Variants in ZNF726 observed in about 807,000 individuals in gnomAD.
ZNF726 encodes zinc finger protein 726, also known as zinc finger protein 92 pseudogene 3.
Under a neutral mutation model 11.6 loss-of-function variants are expected in ZNF726, and 15 were observed. The ratio of observed to expected loss-of-function variants is 1.29; its 90% CI spans 0.86 to 1.99. ZNF726 has a LOEUF of 1.99. ZNF726 is among the 30% of genes most tolerant of loss of function. The probability of loss-of-function intolerance (pLI) is 0.00; values close to 1 mark genes in which losing one functional copy is unlikely to be tolerated. For missense variants in ZNF726, 890 were observed against 725.6 expected, an observed-to-expected ratio of 1.23 and a Z score of -2.60; for synonymous variants, 295 against 243.6, an observed-to-expected ratio of 1.21 and a Z score of -1.96.
rs753191825 is a variant in ZNF726 at position 23,932,374 on chromosome 19, G to T, written c.258G>T (p.Trp86Cys). 8.2e-6 allele frequency: 12 copies of T among 1,459,578 alleles called. No homozygotes were observed. Among genetic ancestry groups the T allele is most frequent in the African/African-American group, 7.2e-5 (5 of 69,474 alleles). The allele number at this position is 1,459,578 out of a possible 1,614,324, so 90.4% of individuals were successfully genotyped here. A position where few individuals can be genotyped will look rare whatever the true frequency, so the allele number is the denominator to read the frequency against. The change falls in exon 4 of 4, where the codon TGG becomes TGT. Residue 86 changes from tryptophan to cysteine, a missense_variant. Transcript: ENST00000594466. ...GICPHFAQDI[W>C]PEQGVEDSFQ... ...GTCCTCATTTTGCTCAAGACATTTG[G>T]CCAGAGCAGGGCGTGGAAGATTCTT...
downstream of ZNF726, among the ~76,000 whole-genome samples, chr19:23,934,935 G>T (rs1315289239): frequency 1.3e-5 from 2 of 152,198 alleles, no homozygotes; most frequent in Non-Finnish European, 1.5e-5. Context: ...AGGGGCATTT[G>T]CTTTATAAAG....
chr19:23,937,113 C>G (rs1260314604), downstream of ZNF726, among the ~76,000 whole-genome samples: 1 of 149,928 alleles, frequency 6.7e-6, no homozygotes, highest in Non-Finnish European at 1.5e-5. Context: ...CCCTCCCGGC[C>G]GGGGCGGCTG....
At chr19:23,942,429 G>A (rs891119567) in intron 3 of ZNF726, among the ~76,000 whole-genome samples, 2 of 152,116 alleles carry the variant, frequency 1.3e-5, no homozygotes, top group African/African-American at 4.8e-5. Flanking sequence ...TAGAATTTGT[G>A]TTCTGCGGTT....
chr19:23,931,826 C>T (rs182776663), intron 3 of ZNF726, among the ~76,000 whole-genome samples: 2 of 152,184 alleles, frequency 1.3e-5, no homozygotes, highest in Admixed American at 6.5e-5. Context: ...CTGGCGGCTG[C>T]TGGAACATTT....
At chr19:23,937,293 C>A (rs1023677162), downstream of ZNF726, among the ~76,000 whole-genome samples, 1 of 151,866 alleles carries the variant, frequency 6.6e-6, no homozygotes, top group Admixed American at 6.6e-5. Context: ...CTGACCCCCC[C>A]ACCTCCCTTC....
rs1384682380 is a variant in ZNF726 at position 23,932,530 on chromosome 19, A to T, written c.414A>T (p.Thr138=). ...EGYNGLNQCF[T]TTQGKASQCG... ...ATAATGGACTTAACCAGTGTTTCAC[A>T]ACTACCCAGGGCAAAGCTTCTCAAT... The change falls in exon 4 of 4, where the codon ACA becomes ACT. Residue 138 remains threonine, a synonymous_variant. Transcript: ENST00000594466. 6.3e-7 allele frequency: 1 copy of T among 1,585,768 alleles called. No homozygotes were observed. The highest frequency in any genetic ancestry group is 1.4e-5 in the African/African-American group (1 of 73,480).
chr19:23,930,104 A>AT (rs1040782298), intron 3 of ZNF726, among the ~76,000 whole-genome samples: 27 of 151,906 alleles, frequency 1.8e-4, no homozygotes, highest in Admixed American at 6.6e-4. Flanking sequence ...ACCATGTACC[A>AT]TTTTTTTTGG....
Position 23,933,890 on chromosome 19 carries a change from C to A in ZNF726, c.1774C>A (p.Pro592Thr), listed in dbSNP as rs746984654. 6 of 1,590,356 alleles carry A rather than the reference C, an allele frequency of 3.8e-6. No individual in the cohort carries two copies. In the South Asian group the frequency reaches 6.8e-5, roughly 18 times the overall value. ...THKIIHTGEK[P>T]YKCDECGKSF... is the part of the protein sequence containing the mutation. ...TAAGATAATTCATACTGGAGAGAAA[C>A]CTTACAAGTGTGACGAATGTGGCAA... The change falls in exon 4 of 4, where the codon CCT (proline) becomes ACT (threonine). Residue 592 changes from proline to threonine, a missense_variant. Coordinates refer to ENST00000594466, the MANE Select transcript of ZNF726 (RefSeq NM_001244038.2).
intron 1 of ZNF726, among the ~76,000 whole-genome samples, chr19:23,916,374 A>G (rs887621108): frequency 2.8e-4 from 43 of 151,738 alleles, no homozygotes; most frequent in Non-Finnish European, 5.3e-4. Context: ...GTTGCAGTGC[A>G]GTGGCTGGAG....
downstream of ZNF726, among the ~76,000 whole-genome samples, chr19:23,936,355 T>C (rs998352356): frequency 6.6e-6 from 1 of 152,144 alleles, no homozygotes; most frequent in African/African-American, 2.4e-5. Flanking sequence ...AAGAAGAATA[T>C]TTTTTGGAGA....
In ZNF726 at chr19:23,933,984, G is replaced by T. The variant is rs1322710119; in HGVS notation, c.*17G>T. On this transcript the variant is annotated 3_prime_UTR_variant, in exon 4 of 4. Transcript: ENST00000594466. Reference sequence around the variant, plus strand: ...CATACTTGAGAGAAACCTTAAAAAGGGTAAAGAATGTGGCAAAGCATTTAT... The same window carrying T: ...CATACTTGAGAGAAACCTTAAAAAGTGTAAAGAATGTGGCAAAGCATTTAT... 4 of 1,533,388 alleles carry T rather than the reference G, an allele frequency of 2.6e-6. No individual in the cohort carries two copies. The highest frequency in any genetic ancestry group is 1.9e-5 in the Admixed American group (1 of 52,350). The allele number at this position is 1,533,388 out of a possible 1,614,324, so 95.0% of individuals were successfully genotyped here. A position where few individuals can be genotyped will look rare whatever the true frequency, so the allele number is the denominator to read the frequency against.
At chr19:23,930,541 A>G (rs989003065) in intron 3 of ZNF726, among the ~76,000 whole-genome samples, 5 of 152,102 alleles carry the variant, frequency 3.3e-5, no homozygotes, top group Non-Finnish European at 1.5e-5. Context: ...TGAATTAGCC[A>G]TATGTCTTTT....
downstream of ZNF726, among the ~76,000 whole-genome samples, chr19:23,937,228 GCAGGGGGC>G (rs1968254178): frequency 6.6e-6 from 1 of 150,504 alleles, no homozygotes; most frequent in Non-Finnish European, 1.5e-5. Context: ...GGCTGGCCGG[GCAGGGGGC>G]TGACCCCCAC....
At chr19:23,922,045 A>C (rs1967866166) in intron 3 of ZNF726, among the ~76,000 whole-genome samples, 1 of 152,238 alleles carries the variant, frequency 6.6e-6, no homozygotes. Context: ...GTGATAGAAT[A>C]TCCTCTGGGT....
chr19:23,935,166 T>G, downstream of ZNF726: 1 of 398,280 alleles, frequency 2.5e-6, no homozygotes, highest in Non-Finnish European at 5.1e-6. Flanking sequence ...CCCCACATGT[T>G]GTGGGGAGAG....
chr19:23,917,713 G>C (rs1267426108), intron 1 of ZNF726, among the ~76,000 whole-genome samples: 1 of 151,936 alleles, frequency 6.6e-6, no homozygotes, highest in African/African-American at 2.4e-5. Flanking sequence ...TACATTTACT[G>C]TCTGAAAGGA....
intron 3 of ZNF726, among the ~76,000 whole-genome samples, chr19:23,929,632 A>G (rs550105678): frequency 3.3e-5 from 5 of 152,362 alleles, no homozygotes; most frequent in Admixed American, 3.3e-4. Flanking sequence ...GGCAAACCAT[A>G]TCATCTTAAA....
In ZNF726 at chr19:23,929,502, A is replaced by C. The variant is rs935374911; in HGVS notation, c.227-2841A>C. Among the ~76,000 whole-genome samples, 7 of 152,174 alleles carry C rather than the reference A, an allele frequency of 4.6e-5. No homozygotes were observed. The South Asian group carries it at 1.4e-3, about 31-fold the overall frequency. ...CCTTATAAAGCCTTCAGATTTCATG[A>C]GACTTATTCACTATCATGAGACCAG... On this transcript the variant is annotated intron_variant, in intron 3 of 3. Coordinates refer to ENST00000594466, the MANE Select transcript of ZNF726 (RefSeq NM_001244038.2).
rs767597085 is a variant in ZNF726, at chr19:23,919,436, A to G, written c.67A>G (p.Thr23Ala). The change falls in exon 2 of 4, where the codon ACT (threonine) becomes GCT (alanine). Residue 23 changes from threonine to alanine, a missense_variant. Physicochemically the swap from Thr to Ala is moderately conservative, Grantham distance 58 (BLOSUM62 0). Transcript: ENST00000594466. ...FSLEEWQCLD[T>A]AQKNLYRNVM... ...TCTGGAGGAGTGGCAGTGCCTGGAC[A>G]CTGCACAGAAGAATTTATATAGGAA... 1.7e-4 allele frequency: 277 copies of G among 1,608,024 alleles called. No homozygotes were observed. Among genetic ancestry groups the G allele is most frequent in the Non-Finnish European group, 2.2e-4 (261 of 1,176,504 alleles).
Sources: gnomAD v4.1 joint callset for allele counts (sites outside exome capture counted in the v4.1 genomes callset) on GRCh38, gnomAD v4.1.1 for gene constraint, MANE v1.5 for transcripts, NCBI Gene and HGNC (gene_info 2026-07-23, HGNC 2026-07-21) for gene names.